Variants in ATG5 observed in about 807,000 individuals in gnomAD.
ATG5 encodes the protein autophagy protein 5.
Under a neutral mutation model 36.5 loss-of-function variants are expected in ATG5, and 14 were observed. That is an observed-to-expected ratio of 0.38 (90% confidence interval 0.25 to 0.60). The LOEUF (loss-of-function observed/expected upper bound fraction) is 0.60, where lower values mean the gene tolerates loss of function less well. ATG5 is among the 20% of genes least tolerant of loss of function. The pLI is 0.60. For missense variants in ATG5, 195 were observed against 326.7 expected (o/e 0.60, Z 3.11); for synonymous variants, 95 against 101.5 (o/e 0.94, Z 0.38).
At chr6:106,197,276 C>T (rs1334408569) in intron 7 of ATG5, among the ~76,000 whole-genome samples, 1 of 152,124 alleles carries the variant, frequency 6.6e-6, no homozygotes, top group East Asian at 1.9e-4. Flanking sequence ...AATCTCAGTA[C>T]TTTGTGAAGC....
chr6:106,229,681 A>T (rs1035301815), intron 6 of ATG5, among the ~76,000 whole-genome samples: 7 of 152,248 alleles, frequency 4.6e-5, no homozygotes, highest in African/African-American at 1.7e-4. Flanking sequence ...GTCAGCGTAA[A>T]CAAGGGCGTA....
At position 106,301,021 on chromosome 6, in the gene ATG5, C is replaced by T. The variant is rs575827592; in HGVS notation, c.236+7343G>A. Among the ~76,000 whole-genome samples, 5 of 152,072 alleles carry T rather than the reference C, an allele frequency of 3.3e-5. No homozygotes were observed. The East Asian group carries it at 5.8e-4, about 18-fold the overall frequency. ...TAGGGTTTACTTACAAAGTATTCTT[C>T]GGAAGGACCAAGAACTGGTCTCTTA... On this transcript the variant is annotated intron_variant, in intron 3 of 7. Coordinates refer to ENST00000369076, the MANE Select transcript of ATG5 (RefSeq NM_004849.4).
chr6:106,293,934 T>C (rs1562260464), intron 3 of ATG5, among the ~76,000 whole-genome samples: 1 of 149,806 alleles, frequency 6.7e-6, no homozygotes. Context: ...ATTTCCAAAA[T>C]GCTTGGGATT....
chr6:106,322,972 T>A (rs976808344), intron 1 of ATG5, among the ~76,000 whole-genome samples: 5 of 151,636 alleles, frequency 3.3e-5, no homozygotes, highest in African/African-American at 1.2e-4. Context: ...CAGGCTGGAG[T>A]GCAGTGGCGC....
At chr6:106,287,583 C>T (rs1305216109) in intron 4 of ATG5, among the ~76,000 whole-genome samples, 1 of 152,106 alleles carries the variant, frequency 6.6e-6, no homozygotes, top group Non-Finnish European at 1.5e-5. Context: ...ACCAAATCAG[C>T]ACCATGTTAC....
chr6:106,227,547 G>A (rs538232123), intron 6 of ATG5, among the ~76,000 whole-genome samples: 1 of 152,294 alleles, frequency 6.6e-6, no homozygotes, highest in South Asian at 2.1e-4. Context: ...AGTGAGCTAT[G>A]ACTGTGCCAC....
At chr6:106,276,171 A>C (rs1038075439) in intron 5 of ATG5, among the ~76,000 whole-genome samples, 4 of 152,222 alleles carry the variant, frequency 2.6e-5, no homozygotes, top group Non-Finnish European at 1.5e-5. Flanking sequence ...TGTTTTATAG[A>C]TTAAGAAACT....
Position 106,186,413 on chromosome 6 carries a change from G to C in ATG5, c.*127C>G. ...TTATCTGACATGGAATCTTTTTCCT[G>C]TCTGGCTTGCAGCAGCGAAGTGTTT... On this transcript the variant is annotated 3_prime_UTR_variant, in exon 8 of 8. Coordinates refer to ENST00000369076, the MANE Select transcript of ATG5 (RefSeq NM_004849.4). 8.8e-7 allele frequency: 1 copy of C among 1,138,720 alleles called. No individual in the cohort carries two copies. Among genetic ancestry groups the C allele is most frequent in the Non-Finnish European group, 1.3e-6 (1 of 798,766 alleles). The allele number at this position is 1,138,720 out of a possible 1,614,324, so 70.5% of individuals were successfully genotyped here. A position where few individuals can be genotyped will look rare whatever the true frequency, so the allele number is the denominator to read the frequency against.
intron 6 of ATG5, among the ~76,000 whole-genome samples, chr6:106,207,688 T>C (rs1050552320): frequency 6.6e-6 from 1 of 152,206 alleles, no homozygotes; most frequent in Non-Finnish European, 1.5e-5. Context: ...TCAGACAATG[T>C]ATGGACTTTA....
intron 1 of ATG5, among the ~76,000 whole-genome samples, chr6:106,319,430 TAGA>T (rs1034807068): frequency 9.8e-5 from 15 of 152,342 alleles, no homozygotes; most frequent in African/African-American, 2.4e-4. Flanking sequence ...TGGCAGGTGC[TAGA>T]AGAAGAATAA....
chr6:106,194,287 A>G (rs1462215010), intron 7 of ATG5, among the ~76,000 whole-genome samples: 1 of 152,168 alleles, frequency 6.6e-6, no homozygotes, highest in African/African-American at 2.4e-5. Flanking sequence ...GGGCAGTGCC[A>G]TCACACTGAC....
intron 4 of ATG5, among the ~76,000 whole-genome samples, chr6:106,284,851 TTTC>T (rs1280590844): frequency 6.6e-6 from 1 of 152,092 alleles, no homozygotes; most frequent in African/African-American, 2.4e-5. Context: ...TTTAATTGGG[TTTC>T]TTTTTATTAT....
chr6:106,235,660 A>G (rs952725638), intron 6 of ATG5, among the ~76,000 whole-genome samples: 2 of 152,228 alleles, frequency 1.3e-5, no homozygotes, highest in Non-Finnish European at 2.9e-5. Flanking sequence ...AGGTAAAAAA[A>G]TAGCCAATCA....
At chr6:106,297,105 A>T (rs1769986512) in intron 3 of ATG5, among the ~76,000 whole-genome samples, 1 of 152,204 alleles carries the variant, frequency 6.6e-6, no homozygotes, top group Non-Finnish European at 1.5e-5. Context: ...CTAATAGAAG[A>T]ACAATATATT....
chr6:106,314,853 A>T (rs1377389448), intron 2 of ATG5, among the ~76,000 whole-genome samples: 2 of 152,224 alleles, frequency 1.3e-5, no homozygotes, highest in Admixed American at 6.5e-5. Flanking sequence ...TTTTCTAGAC[A>T]GAAAACGGTT....
At chr6:106,193,902 G>T (rs1776071298) in intron 7 of ATG5, among the ~76,000 whole-genome samples, 2 of 152,328 alleles carry the variant, frequency 1.3e-5, no homozygotes, top group African/African-American at 4.8e-5. Flanking sequence ...TTTGGTAAGA[G>T]AATTTTGTTT....
At chr6:106,310,033 C>A (rs1055871156) in intron 2 of ATG5, among the ~76,000 whole-genome samples, 2 of 151,982 alleles carry the variant, frequency 1.3e-5, no homozygotes, top group African/African-American at 4.8e-5. Context: ...AAAGAACTCA[C>A]AAATGATTTT....
At chr6:106,314,896 T>C (rs1046657867) in intron 2 of ATG5, among the ~76,000 whole-genome samples, 13 of 152,202 alleles carry the variant, frequency 8.5e-5, no homozygotes, top group Admixed American at 2.6e-4. Flanking sequence ...CTCACGTGTA[T>C]ATAAGCTTGA....
rs559517408 is a variant in ATG5 at position 106,272,940 on chromosome 6, T to C, written c.478+6721A>G. Among the ~76,000 whole-genome samples, 5 of 152,220 alleles carry C rather than the reference T, an allele frequency of 3.3e-5. No homozygotes were observed. The South Asian group carries it at 6.2e-4, about 19-fold the overall frequency. ...CACACAGACAAGGAATGAAAAATAA[T>C]AGATGAAACAAGGCTGGCCATATAC... On this transcript the variant is annotated intron_variant, in intron 5 of 7. Coordinates refer to ENST00000369076, the MANE Select transcript of ATG5 (RefSeq NM_004849.4).
Sources: allele counts gnomAD v4.1 joint callset (sites outside exome capture counted in the v4.1 genomes callset), GRCh38; gene constraint gnomAD v4.1.1; transcripts MANE v1.5; gene names NCBI Gene and HGNC (gene_info 2026-07-23, HGNC 2026-07-21).